The following WDPCP variants were observed in gnomAD, a reference collection of about 807,000 sequenced individuals.
WDPCP encodes the protein WD repeat containing planar cell polarity effector, also known as WD repeat-containing and planar cell polarity effector protein fritz homolog.
Under a neutral mutation model 93.1 loss-of-function variants are expected in WDPCP, and 71 were observed. The ratio of observed to expected loss-of-function variants is 0.76; its 90% CI spans 0.63 to 0.93. WDPCP has a LOEUF of 0.93. WDPCP is among the 40% of genes least tolerant of loss of function. The pLI is 0.00. For missense variants in WDPCP, 844 were observed against 887.4 expected, an observed-to-expected ratio of 0.95 and a Z score of 0.62; for synonymous variants, 315 against 315.0, an observed-to-expected ratio of 1.00 and a Z score of 0.00.
intron 9 of WDPCP, among the ~76,000 whole-genome samples, chr2:63,416,148 T>G (rs975814628): frequency 1.3e-4 from 19 of 151,592 alleles, no homozygotes; most frequent in Admixed American, 1.1e-3. Flanking sequence ...ATATAGAAGA[T>G]AAAAAGGAAA....
intron 1 of WDPCP, among the ~76,000 whole-genome samples, chr2:63,576,058 T>G (rs1034103192): frequency 6.6e-6 from 1 of 152,160 alleles, no homozygotes; most frequent in Non-Finnish European, 1.5e-5. Context: ...TTTCCTACCC[T>G]CACACACCAC....
At chr2:63,683,051 T>C (rs1158257114) in intron 2 of WDPCP, among the ~76,000 whole-genome samples, 1 of 152,106 alleles carries the variant, frequency 6.6e-6, no homozygotes, top group Non-Finnish European at 1.5e-5. Flanking sequence ...TAAGATAGTA[T>C]TTGCAAGCCT....
chr2:63,271,066 C>A (rs1364256331), intron 13 of WDPCP, among the ~76,000 whole-genome samples: 30 of 152,220 alleles, frequency 2.0e-4, no homozygotes, highest in Non-Finnish European at 1.0e-4. Flanking sequence ...TCAGGTATGC[C>A]CAGGTTTGCA....
intron 14 of WDPCP, among the ~76,000 whole-genome samples, chr2:63,226,943 C>T (rs1168864444): frequency 6.6e-6 from 1 of 151,854 alleles, no homozygotes; most frequent in Non-Finnish European, 1.5e-5. Context: ...TGGAACTTAA[C>T]ACATGATTTG....
chr2:63,140,530 C>T (rs1670984166), intron 17 of WDPCP, among the ~76,000 whole-genome samples: 1 of 148,872 alleles, frequency 6.7e-6, no homozygotes, highest in Non-Finnish European at 1.5e-5. Context: ...TCTTTCAACT[C>T]CTTGGTTAGG....
chr2:63,374,567 C>T (rs1203051300), intron 12 of WDPCP, among the ~76,000 whole-genome samples: 1 of 151,996 alleles, frequency 6.6e-6, no homozygotes, highest in Non-Finnish European at 1.5e-5. Context: ...ACTGAAAAAG[C>T]CATGTATACA....
intron 1 of WDPCP, among the ~76,000 whole-genome samples, chr2:63,575,334 T>C (rs371113817): frequency 3.3e-3 from 450 of 134,668 alleles, no homozygotes; most frequent in African/African-American, 8.7e-3. Context: ...ACAGTATATA[T>C]GGTATATACT....
intron 2 of WDPCP, among the ~76,000 whole-genome samples, chr2:63,730,795 T>C (rs1384732533): frequency 6.6e-6 from 1 of 151,964 alleles, no homozygotes. Context: ...AAGATAATGA[T>C]TTACTAGTAG....
rs775983841 is a variant in WDPCP, at chr2:63,467,628, TAGTC to T, written c.384+16972_384+16975del. Among the ~76,000 whole-genome samples, 19 of 151,560 alleles carry T rather than the reference TAGTC, an allele frequency of 1.3e-4. No individual in the cohort carries two copies. In the South Asian group the frequency reaches 1.7e-3, roughly 13 times the overall value. On this transcript the variant is annotated intron_variant, in intron 6 of 17. Transcript: ENST00000272321. Reference sequence around the variant, plus strand: ...CCCATCTCTACTAAAAATAAAAAATTAGTCAGGTGTGGTGGTGCACGCCTGTAGT... The same window carrying T: ...CCCATCTCTACTAAAAATAAAAAATTAGGTGTGGTGGTGCACGCCTGTAGT...
At chr2:63,630,830 T>C (rs1709857278) in intron 3 of WDPCP, among the ~76,000 whole-genome samples, 1 of 152,158 alleles carries the variant, frequency 6.6e-6, no homozygotes, top group African/African-American at 2.4e-5. Context: ...TGTACCAAGA[T>C]AGACCTTATT....
At chr2:63,152,645 A>G (rs1196377475) in intron 17 of WDPCP, among the ~76,000 whole-genome samples, 2 of 152,194 alleles carry the variant, frequency 1.3e-5, no homozygotes, top group Admixed American at 6.5e-5. Flanking sequence ...GTCAACTTGA[A>G]GATGTGTAAT....
intron 1 of WDPCP, chr2:63,571,700 A>T (rs979685861): frequency 8.7e-6 from 4 of 457,418 alleles, no homozygotes; most frequent in African/African-American, 8.1e-5. Flanking sequence ...ATGCCAGAAA[A>T]GTTTTAAATA....
At chr2:63,713,446 T>C (rs775896547) in intron 2 of WDPCP, among the ~76,000 whole-genome samples, 2 of 152,162 alleles carry the variant, frequency 1.3e-5, no homozygotes, top group Admixed American at 6.5e-5. Context: ...ACATCTTCAA[T>C]AGCAATGTCA....
intron 13 of WDPCP, among the ~76,000 whole-genome samples, chr2:63,293,898 G>T (rs6744720): frequency 0.8 from 121,783 of 152,020 alleles, 49,650 homozygotes; most frequent in East Asian, 0.96. Context: ...AACATATGCA[G>T]CATGGGAGCT....
intron 2 of WDPCP, among the ~76,000 whole-genome samples, chr2:63,688,734 C>G (rs1214936286): frequency 6.6e-6 from 1 of 152,222 alleles, no homozygotes; most frequent in African/African-American, 2.4e-5. Flanking sequence ...AAATATCTCA[C>G]ATACCCCATA....
chr2:63,334,661 T>C lies in WDPCP; in HGVS notation c.1749-21350A>G, dbSNP rs536229937. Among the ~76,000 whole-genome samples the C allele has an allele frequency of 3.9e-5, 6 of 152,266 alleles. No homozygotes were observed. In the South Asian group the frequency reaches 1.0e-3, roughly 26 times the overall value. On this transcript the variant is annotated intron_variant, in intron 12 of 17. Coordinates refer to ENST00000272321, the MANE Select transcript of WDPCP (RefSeq NM_015910.7). Reference sequence around the variant, plus strand: ...GACTTTTCCCTTTAGCTTAGTGAGTTTGGGGCCCCAAGATTTATTTTCCTT... The same window carrying C: ...GACTTTTCCCTTTAGCTTAGTGAGTCTGGGGCCCCAAGATTTATTTTCCTT...
At chr2:63,373,999 T>G (rs556756988) in intron 12 of WDPCP, among the ~76,000 whole-genome samples, 1 of 152,248 alleles carries the variant, frequency 6.6e-6, no homozygotes, top group Admixed American at 6.5e-5. Context: ...AATTAGACAT[T>G]AGTGTATATG....
At chr2:63,295,938 A>G (rs1166979617) in intron 13 of WDPCP, among the ~76,000 whole-genome samples, 2 of 151,884 alleles carry the variant, frequency 1.3e-5, no homozygotes, top group Non-Finnish European at 2.9e-5. Context: ...AATTCATTCT[A>G]CAAAACCAGT....
chr2:63,383,106 T>C (rs1214012449), intron 10 of WDPCP, among the ~76,000 whole-genome samples: 1 of 151,788 alleles, frequency 6.6e-6, no homozygotes, highest in African/African-American at 2.4e-5. Flanking sequence ...ATAATCATAA[T>C]AAAATCATTG....
Sources: allele counts gnomAD v4.1 joint callset (sites outside exome capture counted in the v4.1 genomes callset), GRCh38; gene constraint gnomAD v4.1.1; transcripts MANE v1.5; gene names NCBI Gene and HGNC (gene_info 2026-07-23, HGNC 2026-07-21).